The following PFKP variants were observed in gnomAD, a reference collection of about 807,000 sequenced individuals.
PFKP encodes ATP-dependent 6-phosphofructokinase, platelet type.
A neutral mutation model predicts 94.3 loss-of-function variants in PFKP; 101 were observed. The ratio of observed to expected loss-of-function variants is 1.07; its 90% CI spans 0.91 to 1.26. The LOEUF (loss-of-function observed/expected upper bound fraction) is 1.26. PFKP is among the 50% of genes most tolerant of loss of function. The probability of loss-of-function intolerance (pLI) is 0.00; values close to 1 mark genes in which losing one functional copy is unlikely to be tolerated. For synonymous variants in PFKP, 573 were observed against 432.6 expected (o/e 1.32, Z -4.03); for missense variants, 1,145 against 1,103.3 (o/e 1.04, Z -0.53).
chr10:3,103,338 GC>G (rs1298660657), intron 4 of PFKP, among the ~76,000 whole-genome samples: 1 of 152,160 alleles, frequency 6.6e-6, no homozygotes, highest in Non-Finnish European at 1.5e-5. Flanking sequence ...GAATCCGGTT[GC>G]CTTGAGTTCG....
At chr10:3,099,217 C>A (rs1834753749) in intron 2 of PFKP, 58 bp from the exon 3 acceptor site, 1 of 1,270,430 alleles carries the variant, frequency 7.9e-7, no homozygotes, top group Non-Finnish European at 1.2e-6. Context: ...ATTTAAGGAT[C>A]ACTTCCCATT....
At chr10:3,080,209 T>C (rs1486133022) in intron 1 of PFKP, among the ~76,000 whole-genome samples, 6 of 151,964 alleles carry the variant, frequency 3.9e-5, no homozygotes, top group Non-Finnish European at 7.4e-5. Flanking sequence ...AGGAACGCGG[T>C]CATATTCGTG....
At chr10:3,116,922 G>GGTGCCGC (rs1344682061) in intron 14 of PFKP, 76 bp downstream of exon 14, 1 of 1,144,598 alleles carries the variant, frequency 8.7e-7, no homozygotes, top group Non-Finnish European at 1.3e-6. Context: ...AGAATCGCTG[G>GGTGCCGC]GTGCCGACGC....
intron 16 of PFKP, among the ~76,000 whole-genome samples, chr10:3,123,228 C>T (rs184744114): frequency 4.1e-4 from 63 of 152,290 alleles, no homozygotes; most frequent in Admixed American, 3.6e-3. Context: ...CCCATTACTC[C>T]GTCCTGTAAG....
chr10:3,105,090 G>C (rs200145075), intron 5 of PFKP, 25 bp from the exon 6 acceptor site: 3 of 1,611,896 alleles, frequency 1.9e-6, no homozygotes, highest in South Asian at 1.1e-5. Context: ...AGCTGTGTCC[G>C]GGGCTCCCTC....
chr10:3,100,056 G>GGTGTGTGTGTGTGTGT (rs55739223), intron 3 of PFKP, among the ~76,000 whole-genome samples: 98 of 137,802 alleles, frequency 7.1e-4, no homozygotes, highest in Admixed American at 1.3e-3. Context: ...GTAGGTGTGT[G>GGTGTGTGTGTGTGTGT]GTGTGTGTGT....
At chr10:3,084,049 C>T (rs1159029670) in intron 2 of PFKP, among the ~76,000 whole-genome samples, 1 of 152,150 alleles carries the variant, frequency 6.6e-6, no homozygotes, top group South Asian at 2.1e-4. Flanking sequence ...ATTTAGCTTT[C>T]TCCCCGTTTT....
At chr10:3,068,665 G>C (rs1220680140) in intron 1 of PFKP, 1 of 985,222 alleles carries the variant, frequency 1.0e-6, no homozygotes, top group Non-Finnish European at 1.2e-6. Flanking sequence ...GAGACTCGGC[G>C]CGCCCCAGGC....
At position 3,105,379 on chromosome 10, in the gene PFKP, C is replaced by T. The variant is rs1835434024; in HGVS notation, c.666-14C>T. 8.1e-6 allele frequency: 13 copies of T among 1,604,420 alleles called. No homozygotes were observed. The East Asian group carries it at 2.9e-4, about 36-fold the overall frequency. On this transcript the variant is annotated splice_polypyrimidine_tract_variant and intron_variant, in intron 6 of 21. Coordinates refer to ENST00000381125, the MANE Select transcript of PFKP (RefSeq NM_002627.5). ...TCCTTCTGGGGTGTTGATGCTGTTG[C>T]CTTGTCCACATAGGTACCTGGCCCT...
At chr10:3,099,529 G>C (rs904817620) in intron 3 of PFKP, among the ~76,000 whole-genome samples, 177 bp downstream of exon 3, 2 of 152,232 alleles carry the variant, frequency 1.3e-5, no homozygotes, top group African/African-American at 2.4e-5. Flanking sequence ...GTGTTAATCT[G>C]TGAGTCACTT....
chr10:3,102,581 T>G (rs1296619014), intron 4 of PFKP, among the ~76,000 whole-genome samples: 1 of 152,078 alleles, frequency 6.6e-6, no homozygotes, highest in Non-Finnish European at 1.5e-5. Context: ...ACCCAGCTTT[T>G]TTAAAATTTT....
chr10:3,132,312 C>T, intron 17 of PFKP, 68 bp from the exon 18 acceptor site: 2 of 1,137,840 alleles, frequency 1.8e-6, no homozygotes, highest in Non-Finnish European at 2.7e-6. Context: ...TCCCAGCCTG[C>T]AGTGCCTGGC....
In PFKP at chr10:3,136,659, AT is replaced by A. The variant is rs1839407357; in HGVS notation, c.*81del. 7 of 1,484,584 alleles carry A rather than the reference AT, an allele frequency of 4.7e-6. No individual in the cohort carries two copies. Among genetic ancestry groups the A allele is most frequent in the South Asian group, 2.4e-5 (2 of 83,214 alleles). The allele number at this position is 1,484,584 out of a possible 1,614,324, so 92.0% of individuals were successfully genotyped here. On this transcript the variant is annotated 3_prime_UTR_variant, in exon 22 of 22. Transcript: ENST00000381125. ...ACTTAAGTTATTTTATCAGCACTTT[AT>A]GCACGTATTATTGACATTAATACCT...
chr10:3,074,457 T>C (rs1277506371), intron 1 of PFKP, among the ~76,000 whole-genome samples: 1 of 152,104 alleles, frequency 6.6e-6, no homozygotes, highest in African/African-American at 2.4e-5. Flanking sequence ...GCAGACTGAC[T>C]GTCTCCGATA....
chr10:3,105,015 T>C, intron 5 of PFKP, 100 bp from the exon 6 acceptor site: 1 of 1,166,528 alleles, frequency 8.6e-7, no homozygotes, highest in South Asian at 1.3e-5. Flanking sequence ...TCAAAGCCCC[T>C]TTTCTCTGCT....
At chr10:3,107,659 C>T in intron 8 of PFKP, 1 of 816,346 alleles carries the variant, frequency 1.2e-6, no homozygotes, top group South Asian at 5.6e-5. Flanking sequence ...GGCAGCCGAC[C>T]CGGGCTTCTG....
chr10:3,118,720 C>T (rs958146826), intron 14 of PFKP, 62 bp from the exon 15 acceptor site: 8 of 1,194,844 alleles, frequency 6.7e-6, no homozygotes, highest in Middle Eastern at 2.0e-4. Flanking sequence ...ACCGGCGTGG[C>T]GTCCTGCGGA....
Position 3,136,685 on chromosome 10 carries a change from TA to T in PFKP, c.*108del. ...TGCACGTATTATTGACATTAATACC[TA>T]ATCGGCGAGTGCCCATCTGCCCCAC... On this transcript the variant is annotated 3_prime_UTR_variant, in exon 22 of 22. Coordinates refer to ENST00000381125, the MANE Select transcript of PFKP (RefSeq NM_002627.5). 7.8e-7 allele frequency: 1 copy of T among 1,277,322 alleles called. No homozygotes were observed. Among genetic ancestry groups the T allele is most frequent in the Non-Finnish European group, 1.1e-6 (1 of 919,414 alleles). 79.1% of individuals were successfully genotyped at this position (1,277,322 alleles called of 1,614,324 possible).
intron 1 of PFKP, chr10:3,070,271 T>C (rs1832084206): frequency 6.6e-6 from 1 of 152,278 alleles, no homozygotes; most frequent in Non-Finnish European, 1.5e-5. Flanking sequence ...CCAGATGTAC[T>C]CAGAGGGCCT....
Sources: gnomAD v4.1 joint callset for allele counts (sites outside exome capture counted in the v4.1 genomes callset) on GRCh38, gnomAD v4.1.1 for gene constraint, MANE v1.5 for transcripts, NCBI Gene and HGNC (gene_info 2026-07-23, HGNC 2026-07-21) for gene names.